Variants in PRKCA observed in about 807,000 individuals in gnomAD.
PRKCA encodes the protein protein kinase C alpha, also known as protein kinase C alpha type.
In PRKCA, 27 loss-of-function variants were observed where a neutral mutation model predicts 87.0. The observed-to-expected ratio is 0.31, with a 90% CI of 0.23 to 0.43. The LOEUF (loss-of-function observed/expected upper bound fraction) is 0.43. Among genes scored for constraint, PRKCA ranks in the 20% least tolerant of loss-of-function variants. The pLI, the probability that PRKCA is intolerant of heterozygous loss-of-function variation, is 1.00. For missense variants in PRKCA, 518 were observed against 852.3 expected (o/e 0.61, Z 4.88); for synonymous variants, 329 against 311.1 (o/e 1.06, Z -0.61).
intron 3 of PRKCA, among the ~76,000 whole-genome samples, chr17:66,607,734 G>A (rs1970250985): frequency 6.6e-6 from 1 of 152,134 alleles, no homozygotes; most frequent in East Asian, 1.9e-4. Context: ...AGAGTGTGGG[G>A]GGCCGGGGGC....
chr17:66,418,313 T>C (rs1912280411), intron 2 of PRKCA, among the ~76,000 whole-genome samples: 3 of 152,236 alleles, frequency 2.0e-5, no homozygotes, highest in Admixed American at 1.3e-4. Context: ...ATACAGAAAC[T>C]TGTTTTTACT....
Position 66,365,533 on chromosome 17 carries a change from T to C in PRKCA, c.205+59406T>C, listed in dbSNP as rs902207885. Among the ~76,000 whole-genome samples the C allele has an allele frequency of 2.0e-5, 3 of 152,254 alleles. No homozygotes were observed. In the South Asian group the frequency reaches 6.2e-4, roughly 32 times the overall value. On this transcript the variant is annotated intron_variant, in intron 2 of 16. Transcript: ENST00000413366. ...AATGGCTTCCCTTTACTGATGATTT[T>C]ACTCTGCCTTTATCCTATAGTTACT...
At chr17:66,311,928 G>T (rs549457121) in intron 2 of PRKCA, among the ~76,000 whole-genome samples, 1 of 152,272 alleles carries the variant, frequency 6.6e-6, no homozygotes, top group African/African-American at 2.4e-5. Flanking sequence ...CGTGAAAGCC[G>T]AATAAATGTT....
intron 8 of PRKCA, among the ~76,000 whole-genome samples, chr17:66,731,775 CTTTTTTTTTTTT>C (rs796884841): frequency 9.8e-5 from 7 of 71,420 alleles, no homozygotes; most frequent in African/African-American, 2.2e-4. Flanking sequence ...TGCTCCCTTT[CTTTTTTTTTTTT>C]TTTTTTTTTT....
intron 16 of PRKCA, among the ~76,000 whole-genome samples, chr17:66,790,411 G>A (rs532505117): frequency 0.013 from 1,539 of 114,918 alleles, 16 homozygotes; most frequent in Middle Eastern, 0.033. Context: ...ACTGATTTCA[G>A]GGGGGTCTCA....
In PRKCA at chr17:66,729,780, CTTTTTT is replaced by C. The variant is rs60247180; in HGVS notation, c.919-2892_919-2887del. On this transcript the variant is annotated intron_variant, in intron 8 of 16. Transcript: ENST00000413366. ...TTGATCCCTGTATGAGCGAGTTATT[CTTTTTT>C]TTTTTTTTTTTTTTTCTGAGACAGA... 8.0e-4 allele frequency among the ~76,000 whole-genome samples: 84 copies of C among 105,074 alleles called. 1 individual carries two copies. In the East Asian group the frequency reaches 0.021, roughly 26 times the overall value. 68.9% of individuals were successfully genotyped at this position (105,074 alleles called of 152,430 possible).
intron 2 of PRKCA, among the ~76,000 whole-genome samples, chr17:66,455,466 T>C (rs1914538581): frequency 6.6e-6 from 1 of 152,176 alleles, no homozygotes; most frequent in Admixed American, 6.5e-5. Context: ...TGATGGTAAA[T>C]GCAGAAGCAT....
chr17:66,560,573 C>A (rs980160981), intron 3 of PRKCA, among the ~76,000 whole-genome samples: 2 of 152,142 alleles, frequency 1.3e-5, no homozygotes, highest in African/African-American at 2.4e-5. Context: ...TCTGTTTTCT[C>A]TTCTGTAAGA....
At chr17:66,508,454 C>T (rs780642659) in intron 3 of PRKCA, among the ~76,000 whole-genome samples, 2 of 152,188 alleles carry the variant, frequency 1.3e-5, no homozygotes, top group East Asian at 1.9e-4. Context: ...GCACTCTGCT[C>T]CTGATGTTGG....
chr17:66,553,602 C>T (rs1218515241), intron 3 of PRKCA, among the ~76,000 whole-genome samples: 2 of 152,212 alleles, frequency 1.3e-5, no homozygotes, highest in Admixed American at 6.5e-5. Context: ...GGCATCGTAG[C>T]TTCCTCATTG....
At chr17:66,576,898 A>G (rs1452401586) in intron 3 of PRKCA, among the ~76,000 whole-genome samples, 1 of 142,378 alleles carries the variant, frequency 7.0e-6, no homozygotes, top group African/African-American at 2.7e-5. Context: ...TTTTTGAGAC[A>G]GGGTCTTGCT....
intron 13 of PRKCA, among the ~76,000 whole-genome samples, chr17:66,760,435 A>G (rs980871486): frequency 1.3e-5 from 2 of 152,244 alleles, no homozygotes; most frequent in African/African-American, 4.8e-5. Flanking sequence ...TATTGAATTC[A>G]TATATTAGAA....
At chr17:66,335,647 G>A in intron 2 of PRKCA, among the ~76,000 whole-genome samples, 1 of 151,010 alleles carries the variant, frequency 6.6e-6, no homozygotes, top group Non-Finnish European at 1.5e-5. Context: ...GTATGTTATT[G>A]CAATTTCAGA....
intron 3 of PRKCA, among the ~76,000 whole-genome samples, chr17:66,510,636 A>G (rs1205071493): frequency 6.6e-6 from 1 of 152,234 alleles, no homozygotes; most frequent in African/African-American, 2.4e-5. Context: ...CTGACTTTAC[A>G]TAGCCTGCCT....
At chr17:66,723,815 A>C (rs1973675942) in intron 8 of PRKCA, among the ~76,000 whole-genome samples, 1 of 152,220 alleles carries the variant, frequency 6.6e-6, no homozygotes, top group East Asian at 1.9e-4. Flanking sequence ...CCGGGGGCTC[A>C]GAGAGGCAGT....
At chr17:66,306,629 A>G (rs181344591) in intron 2 of PRKCA, among the ~76,000 whole-genome samples, 6 of 152,248 alleles carry the variant, frequency 3.9e-5, no homozygotes, top group Admixed American at 3.3e-4. Flanking sequence ...TGATTTGATG[A>G]CTGATTTCTA....
chr17:66,693,283 T>C (rs1477484387), intron 8 of PRKCA, among the ~76,000 whole-genome samples: 1 of 152,088 alleles, frequency 6.6e-6, no homozygotes, highest in Non-Finnish European at 1.5e-5. Context: ...TTGATTGCGA[T>C]ACTCATGGAC....
rs1302686694 is a variant in PRKCA at position 66,735,671 on chromosome 17, C to T, written c.1230+9C>T. ...CCTGCTTCCAGACAGTGGTAAGGAC[C>T]CTGGGAATCCCTGCGATGCAGTACC... On this transcript the variant is annotated intron_variant, in intron 10 of 16. Transcript: ENST00000413366. 1.9e-6 allele frequency: 3 copies of T among 1,611,512 alleles called. No homozygotes were observed. The Admixed American group carries it at 5.0e-5, about 27-fold the overall frequency.
At chr17:66,362,233 C>T (rs1303243707) in intron 2 of PRKCA, among the ~76,000 whole-genome samples, 1 of 152,138 alleles carries the variant, frequency 6.6e-6, no homozygotes, top group Non-Finnish European at 1.5e-5. Context: ...GACTGGGTTT[C>T]ATCATGTTGG....
Sources: allele counts gnomAD v4.1 joint callset (sites outside exome capture counted in the v4.1 genomes callset), GRCh38; gene constraint gnomAD v4.1.1; transcripts MANE v1.5; gene names NCBI Gene and HGNC (gene_info 2026-07-23, HGNC 2026-07-21).